The following SYT16 variants were observed in gnomAD, a reference collection of about 807,000 sequenced individuals.
SYT16 encodes synaptotagmin 16.
Under a neutral mutation model 61.4 loss-of-function variants are expected in SYT16, and 42 were observed. The ratio of observed to expected loss-of-function variants is 0.68; its 90% CI spans 0.53 to 0.89. The LOEUF (loss-of-function observed/expected upper bound fraction) is 0.89. Among genes scored for constraint, SYT16 ranks in the 40% least tolerant of loss-of-function variants. SYT16 has a pLI of 0.00. For missense variants in SYT16, 804 were observed against 807.3 expected (o/e 1.00, Z 0.05); for synonymous variants, 314 against 302.3 (o/e 1.04, Z -0.40).
At chr14:62,081,336 C>T in intron 6 of SYT16, 62 bp downstream of exon 6, 1 of 1,511,702 alleles carries the variant, frequency 6.6e-7, no homozygotes, top group Non-Finnish European at 9.0e-7. Context: ...GATTGTCAGC[C>T]CTTGATTTAG....
chr14:61,871,361 T>C (rs948333820), intron 1 of SYT16, among the ~76,000 whole-genome samples: 1 of 152,152 alleles, frequency 6.6e-6, no homozygotes, highest in African/African-American at 2.4e-5. Context: ...ACTCAAAGAC[T>C]CAAAGGAAAT....
chr14:62,020,898 A>C (rs2053883834), intron 3 of SYT16, among the ~76,000 whole-genome samples: 1 of 152,128 alleles, frequency 6.6e-6, no homozygotes, highest in South Asian at 2.1e-4. Flanking sequence ...AGAAAGAGCA[A>C]AGCTGTGAAG....
intron 2 of SYT16, among the ~76,000 whole-genome samples, chr14:61,978,463 C>A (rs1171020799): frequency 6.6e-6 from 1 of 152,178 alleles, no homozygotes. Flanking sequence ...TAACTGTAAC[C>A]TCAGTTGAAC....
At chr14:61,872,244 A>G (rs1412001273) in intron 1 of SYT16, among the ~76,000 whole-genome samples, 1 of 152,148 alleles carries the variant, frequency 6.6e-6, no homozygotes, top group Admixed American at 6.5e-5. Context: ...CATATTTTTA[A>G]TTGATATATA....
intron 2 of SYT16, among the ~76,000 whole-genome samples, chr14:61,991,279 A>G (rs1458243995): frequency 1.3e-5 from 2 of 151,414 alleles, no homozygotes; most frequent in African/African-American, 4.9e-5. Context: ...AAGACCTTAA[A>G]TGTATTTTTC....
At chr14:61,891,704 A>G (rs1053296099) in intron 1 of SYT16, among the ~76,000 whole-genome samples, 9 of 152,236 alleles carry the variant, frequency 5.9e-5, no homozygotes, top group Admixed American at 2.6e-4. Flanking sequence ...GAATGAAGCC[A>G]GAAAATATAA....
intron 1 of SYT16, among the ~76,000 whole-genome samples, chr14:61,882,746 A>G (rs986764084): frequency 1.3e-5 from 2 of 152,082 alleles, no homozygotes; most frequent in African/African-American, 4.8e-5. Context: ...CCTTCTGCCT[A>G]TGAGCCTGTA....
At chr14:62,017,973 C>T (rs1162459259) in intron 3 of SYT16, among the ~76,000 whole-genome samples, 1 of 152,186 alleles carries the variant, frequency 6.6e-6, no homozygotes, top group Non-Finnish European at 1.5e-5. Context: ...GCTTCACCTT[C>T]TCACAGTGCT....
intron 7 of SYT16, among the ~76,000 whole-genome samples, chr14:62,088,261 C>T (rs2056954817): frequency 6.6e-6 from 1 of 152,100 alleles, no homozygotes; most frequent in Non-Finnish European, 1.5e-5. Flanking sequence ...GAATACTATT[C>T]AGCAATAAAA....
At chr14:62,091,728 A>G (rs867409238) in intron 7 of SYT16, among the ~76,000 whole-genome samples, 35 of 152,202 alleles carry the variant, frequency 2.3e-4, no homozygotes, top group African/African-American at 8.0e-4. Flanking sequence ...AGACCTAAAT[A>G]TAACACCTAA....
chr14:61,992,433 C>T (rs879290506), intron 2 of SYT16, among the ~76,000 whole-genome samples: 1 of 152,038 alleles, frequency 6.6e-6, no homozygotes, highest in Non-Finnish European at 1.5e-5. Flanking sequence ...GGACAAAAGG[C>T]GGGAGCTCCG....
intron 1 of SYT16, among the ~76,000 whole-genome samples, chr14:61,912,332 C>T (rs572109399): frequency 6.6e-6 from 1 of 152,332 alleles, no homozygotes; most frequent in African/African-American, 2.4e-5. Flanking sequence ...ATTTTGCTTA[C>T]TGCTGTCACT....
At chr14:62,067,108 G>A (rs1301889644) in intron 3 of SYT16, among the ~76,000 whole-genome samples, 1 of 136,984 alleles carries the variant, frequency 7.3e-6, no homozygotes, top group African/African-American at 2.5e-5. Flanking sequence ...GTGTGCATGT[G>A]TGTGTGTGTG....
At chr14:61,826,780 G>A (rs560554199) in intron 1 of SYT16, among the ~76,000 whole-genome samples, 10 of 152,122 alleles carry the variant, frequency 6.6e-5, no homozygotes, top group South Asian at 2.1e-4. Context: ...CAACACACAC[G>A]TATTTTCCTA....
chr14:61,890,271 G>A (rs1445918576), intron 1 of SYT16, among the ~76,000 whole-genome samples: 2 of 152,160 alleles, frequency 1.3e-5, no homozygotes, highest in African/African-American at 4.8e-5. Context: ...CAAAAGAGGG[G>A]CCAGGGGAGT....
intron 1 of SYT16, among the ~76,000 whole-genome samples, chr14:61,954,203 T>C (rs915508357): frequency 4.6e-5 from 7 of 152,316 alleles, no homozygotes; most frequent in African/African-American, 1.4e-4. Flanking sequence ...TTGTTTTTGC[T>C]CAGTTATCTG....
At chr14:62,014,970 T>A (rs1440548503) in intron 3 of SYT16, among the ~76,000 whole-genome samples, 2 of 152,194 alleles carry the variant, frequency 1.3e-5, no homozygotes, top group Admixed American at 1.3e-4. Flanking sequence ...CCCAACCTTG[T>A]GCCTTCCTCG....
At chr14:61,942,176 T>G (rs1469559862) in intron 1 of SYT16, among the ~76,000 whole-genome samples, 1 of 152,276 alleles carries the variant, frequency 6.6e-6, no homozygotes, top group Non-Finnish European at 1.5e-5. Context: ...TGATTCTTGC[T>G]AAGTCGCTTG....
chr14:61,959,894 A>G (rs1446041160), intron 1 of SYT16, among the ~76,000 whole-genome samples: 1 of 151,982 alleles, frequency 6.6e-6, no homozygotes, highest in Admixed American at 6.6e-5. Context: ...CAGTGGTGCA[A>G]TCATGGGTTC....
Sources: gnomAD v4.1 joint callset for allele counts (sites outside exome capture counted in the v4.1 genomes callset) on GRCh38, gnomAD v4.1.1 for gene constraint, MANE v1.5 for transcripts, NCBI Gene and HGNC (gene_info 2026-07-23, HGNC 2026-07-21) for gene names.